Variants in CAMTA1 observed in about 807,000 individuals in gnomAD.
CAMTA1 encodes the protein calmodulin-binding transcription activator 1.
CAMTA1 carries 27 observed loss-of-function variants against 170.9 expected under a neutral mutation model. That is an observed-to-expected ratio of 0.16 (90% CI 0.12 to 0.22). The LOEUF (loss-of-function observed/expected upper bound fraction) is 0.22, where lower values mean the gene tolerates loss of function less well. Ranked by LOEUF, CAMTA1 falls within the 10% of genes least tolerant of loss-of-function variation. The pLI is 1.00. For missense variants in CAMTA1, 1,619 were observed against 2,217.2 expected (o/e 0.73, Z 5.42); for synonymous variants, 833 against 891.5 (o/e 0.93, Z 1.17).
chr1:7,107,303 C>CGT (rs1318372960), intron 4 of CAMTA1, among the ~76,000 whole-genome samples: 1 of 144,650 alleles, frequency 6.9e-6, no homozygotes, highest in East Asian at 2.1e-4. Context: ...TGTGTGTGTG[C>CGT]GCGCCCACAC....
chr1:7,104,001 CACA>C (rs896469010), intron 4 of CAMTA1, among the ~76,000 whole-genome samples: 4 of 150,616 alleles, frequency 2.7e-5, no homozygotes, highest in East Asian at 2.0e-4. Flanking sequence ...CACACATGAA[CACA>C]ACACACTACA....
intron 5 of CAMTA1, among the ~76,000 whole-genome samples, chr1:7,343,508 CTAT>C (rs774797713): frequency 6.6e-6 from 1 of 152,178 alleles, no homozygotes; most frequent in Non-Finnish European, 1.5e-5. Flanking sequence ...TCATGACACA[CTAT>C]TGTTGTTGTT....
At chr1:7,743,897 G>T (rs2096836912) in intron 16 of CAMTA1, among the ~76,000 whole-genome samples, 1 of 150,814 alleles carries the variant, frequency 6.6e-6, no homozygotes, top group Non-Finnish European at 1.5e-5. Flanking sequence ...CGCGATCTTG[G>T]CTTACTGCAA....
chr1:7,743,201 G>A (rs547801204), intron 16 of CAMTA1, among the ~76,000 whole-genome samples: 7 of 151,910 alleles, frequency 4.6e-5, no homozygotes, highest in Admixed American at 2.6e-4. Context: ...TTACAAAAAC[G>A]AATTGTTCTT....
At chr1:7,126,478 A>G (rs967236728) in intron 4 of CAMTA1, among the ~76,000 whole-genome samples, 1 of 152,230 alleles carries the variant, frequency 6.6e-6, no homozygotes, top group Non-Finnish European at 1.5e-5. Flanking sequence ...CCTGGATAGA[A>G]TGATAAGATA....
intron 5 of CAMTA1, among the ~76,000 whole-genome samples, chr1:7,335,845 T>C (rs2149778522): frequency 6.6e-6 from 1 of 151,862 alleles, no homozygotes; most frequent in Admixed American, 6.5e-5. Flanking sequence ...CGGGTTTGTG[T>C]ACTAAGTAAA....
At chr1:7,379,997 G>A (rs2087158729) in intron 5 of CAMTA1, among the ~76,000 whole-genome samples, 1 of 152,198 alleles carries the variant, frequency 6.6e-6, no homozygotes, top group Non-Finnish European at 1.5e-5. Flanking sequence ...ATCACTTTGT[G>A]GAGGATAATG....
chr1:7,734,516 G>C (rs2096756872), intron 12 of CAMTA1, among the ~76,000 whole-genome samples: 2 of 149,920 alleles, frequency 1.3e-5, no homozygotes, highest in Admixed American at 1.4e-4. Context: ...ATGCGGGATA[G>C]AGACATGACT....
At chr1:7,626,911 A>C (rs1327012026) in intron 6 of CAMTA1, among the ~76,000 whole-genome samples, 1 of 152,208 alleles carries the variant, frequency 6.6e-6, no homozygotes, top group Non-Finnish European at 1.5e-5. Context: ...GCACAAATTA[A>C]AATACATAAA....
At chr1:7,005,044 T>TTTG (rs1405039228) in intron 3 of CAMTA1, among the ~76,000 whole-genome samples, 1 of 152,224 alleles carries the variant, frequency 6.6e-6, no homozygotes, top group African/African-American at 2.4e-5. Flanking sequence ...AGTGCTGGGA[T>TTTG]TACAGGTATG....
At chr1:7,398,407 C>G (rs1027675468) in intron 5 of CAMTA1, among the ~76,000 whole-genome samples, 9 of 151,126 alleles carry the variant, frequency 6.0e-5, no homozygotes, top group Admixed American at 5.9e-4. Context: ...TACTCCTGCA[C>G]TCTTTTATTT....
At chr1:7,206,609 A>G (rs569914734) in intron 4 of CAMTA1, among the ~76,000 whole-genome samples, 2 of 152,134 alleles carry the variant, frequency 1.3e-5, no homozygotes, top group South Asian at 4.1e-4. Flanking sequence ...GTACTATTCC[A>G]TTGTATAAAT....
At chr1:6,944,357 C>T (rs568957836) in intron 3 of CAMTA1, among the ~76,000 whole-genome samples, 2 of 152,258 alleles carry the variant, frequency 1.3e-5, no homozygotes, top group South Asian at 4.2e-4. Context: ...ACAGGTCAGT[C>T]CGTGACAGTC....
chr1:7,341,335 T>A (rs1052055473), intron 5 of CAMTA1, among the ~76,000 whole-genome samples: 5 of 152,194 alleles, frequency 3.3e-5, no homozygotes, highest in Admixed American at 3.3e-4. Context: ...GCCACTGTTC[T>A]CTTCCCACCC....
Position 7,233,506 on chromosome 1 carries a change from C to G in CAMTA1, c.303-15985C>G, listed in dbSNP as rs145197732. On this transcript the variant is annotated intron_variant, in intron 4 of 22. Transcript: ENST00000303635. ...CCCTTTTCTTTGGCTTGTCACTGAC[C>G]AAATGCTTTCAGCGTAATAAGTGAA... Among the ~76,000 whole-genome samples, 223 of 152,326 alleles carry G rather than the reference C, an allele frequency of 1.5e-3. 1 individual carries two copies. The highest frequency in any genetic ancestry group is 2.4e-3 in the Non-Finnish European group (162 of 68,032).
rs1346183416 is a variant in CAMTA1, at chr1:7,633,819, T to C, written c.511-6581T>C. 6.6e-6 allele frequency among the ~76,000 whole-genome samples: 1 copy of C among 152,216 alleles called. No individual in the cohort carries two copies. The highest frequency in any genetic ancestry group is 1.5e-5 in the Non-Finnish European group (1 of 68,042). On this transcript the variant is annotated intron_variant, in intron 6 of 22. Transcript: ENST00000303635. This position sits in a 1 kb window ranked among gnomAD's most constrained non-coding sequence, Gnocchi z 4.1. ...AGTAATTGAGCGGAAACTGAGAGAT[T>C]AGTGCTGCAAAGACAGCGAGGCGGG...
At chr1:7,206,385 G>A (rs889527322) in intron 4 of CAMTA1, among the ~76,000 whole-genome samples, 1 of 152,160 alleles carries the variant, frequency 6.6e-6, no homozygotes, top group Non-Finnish European at 1.5e-5. Flanking sequence ...GCACATACCC[G>A]AATAAATTTA....
At chr1:7,324,006 TATTA>T (rs1173527819) in intron 5 of CAMTA1, among the ~76,000 whole-genome samples, 1 of 152,206 alleles carries the variant, frequency 6.6e-6, no homozygotes, top group African/African-American at 2.4e-5. Context: ...TGGTCAGATT[TATTA>T]ATTGTGTTAT....
chr1:7,385,037 G>T (rs956718697), intron 5 of CAMTA1, among the ~76,000 whole-genome samples: 3 of 151,506 alleles, frequency 2.0e-5, no homozygotes, highest in Non-Finnish European at 4.4e-5. Context: ...GGACCACCCA[G>T]CTTCAGCAGA....
Sources: allele counts gnomAD v4.1 joint callset (sites outside exome capture counted in the v4.1 genomes callset), GRCh38; gene constraint gnomAD v4.1.1; non-coding constraint Gnocchi (gnomAD v3.1); transcripts MANE v1.5; gene names NCBI Gene and HGNC (gene_info 2026-07-23, HGNC 2026-07-21).